PLPPR2: variants seen among roughly 807,000 people sequenced by gnomAD.
PLPPR2 encodes phospholipid phosphatase-related protein type 2.
A neutral mutation model predicts 40.3 loss-of-function variants in PLPPR2; 11 were observed. The observed-to-expected ratio is 0.27, with a 90% CI of 0.17 to 0.45. PLPPR2 has a LOEUF of 0.45. PLPPR2 is among the 20% of genes least tolerant of loss of function. The pLI is 1.00. For synonymous variants in PLPPR2, 260 were observed against 290.8 expected, an observed-to-expected ratio of 0.89 and a Z score of 1.08; for missense variants, 497 against 640.7, an observed-to-expected ratio of 0.78 and a Z score of 2.42.
At chr19:11,357,830 T>C in intron 3 of PLPPR2, 91 bp downstream of exon 3, 1 of 1,017,314 alleles carries the variant, frequency 9.8e-7, no homozygotes, top group Non-Finnish European at 1.4e-6. Flanking sequence ...CTTTTCCATC[T>C]CTGGGATCTC....
At position 11,361,426 on chromosome 19, in the gene PLPPR2, G is replaced by A; in HGVS notation, c.601G>A (p.Ala201Thr). Residue 201 changes from alanine (A) to threonine (T), a missense_variant, in exon 6 of 10, where the codon GCG becomes ACG. By Grantham distance (58) the Ala-to-Thr change is moderately conservative. Transcript: ENST00000688289. The surrounding 1 kb of genome is among the most constrained non-coding windows in gnomAD (Gnocchi z 6.3). The part of the protein sequence containing the change: ...CAGSPSLVAA[A>T]RRAFPCKDAA... ...TGGCAGTCCCAGCCTCGTGGCCGCC[G>A]CGCGCCGCGCCTTCCCCTGCAAGGA... is the stretch of plus-strand genomic sequence containing the variant. The A allele has an allele frequency of 6.2e-7, 1 of 1,606,184 alleles. No individual in the cohort carries two copies.
At chr19:11,357,846 C>A in intron 3 of PLPPR2, 107 bp downstream of exon 3, 1 of 853,142 alleles carries the variant, frequency 1.2e-6, no homozygotes, top group Non-Finnish European at 1.7e-6. Flanking sequence ...ATCTCCCTTG[C>A]TGTCCCCTTT....
intron 1 of PLPPR2, among the ~76,000 whole-genome samples, chr19:11,356,496 C>A (rs1967883105): frequency 6.6e-6 from 1 of 151,996 alleles, no homozygotes; most frequent in South Asian, 2.1e-4. Context: ...CTCTGACAGG[C>A]TATGAGCCCA....
intron 5 of PLPPR2, among the ~76,000 whole-genome samples, chr19:11,360,911 G>GGATCCTGATGTAATGGTGTT (rs1243936375): frequency 6.6e-6 from 1 of 152,016 alleles, no homozygotes; most frequent in Non-Finnish European, 1.5e-5. Flanking sequence ...GGCATGGGGT[G>GGATCCTGATGTAATGGTGTT]GATCCTGATG....
intron 2 of PLPPR2, among the ~76,000 whole-genome samples, chr19:11,357,275 G>A (rs1202785631): frequency 5.9e-5 from 9 of 152,024 alleles, no homozygotes; most frequent in Admixed American, 5.2e-4. Context: ...AGAGGATGGT[G>A]TCCCCTAAAA....
In PLPPR2 at chr19:11,364,597, G is replaced by A; in HGVS notation, c.1266G>A (p.Arg422=). 1 of 1,537,170 alleles carries A rather than the reference G, an allele frequency of 6.5e-7. No individual in the cohort carries two copies. Residue 422 remains arginine, a synonymous_variant, in exon 10 of 10, where the codon CGG becomes CGA. Coordinates refer to ENST00000688289, the MANE Select transcript of PLPPR2 (RefSeq NM_001393892.1). This position sits in a 1 kb window ranked among gnomAD's most constrained non-coding sequence, Gnocchi z 5.8. ...TGCTGCTGCCCACGCCCCTGCTGCG[G>A]GACCTGTACACCCTGAGTGGACTCT... ...RKLLLPTPLL[R]DLYTLSGLYP...
intron 3 of PLPPR2, among the ~76,000 whole-genome samples, chr19:11,358,718 C>T (rs113434370): frequency 0.017 from 2,552 of 148,402 alleles, 72 homozygotes; most frequent in African/African-American, 0.06. Context: ...CTCCCTCTCT[C>T]TCTTTCTTTC....
In PLPPR2 at chr19:11,362,433, G is replaced by A. The variant is rs1241290643; in HGVS notation, c.664-80G>A. 1.3e-6 allele frequency: 2 copies of A among 1,558,068 alleles called. No individual in the cohort carries two copies. The highest frequency in any genetic ancestry group is 1.7e-6 in the Non-Finnish European group (2 of 1,143,502). Reference sequence around the variant, plus strand: ...TCCAGCCCCAACGCTCTGGCCATGCGCTCTAGCCCAGAAAGGAGCGTCCAC... The same window carrying A: ...TCCAGCCCCAACGCTCTGGCCATGCACTCTAGCCCAGAAAGGAGCGTCCAC... On this transcript the variant is annotated intron_variant, in intron 6 of 9. Transcript: ENST00000688289. The surrounding 1 kb of genome is among the most constrained non-coding windows in gnomAD (Gnocchi z 5.3).
chr19:11,361,723 C>T lies in PLPPR2; in HGVS notation c.663+235C>T, dbSNP rs946403875. 6.6e-6 allele frequency among the ~76,000 whole-genome samples: 1 copy of T among 152,148 alleles called. No individual in the cohort carries two copies. The highest frequency in any genetic ancestry group is 2.4e-5 in the African/African-American group (1 of 41,422). On this transcript the variant is annotated intron_variant, in intron 6 of 9. Coordinates refer to ENST00000688289, the MANE Select transcript of PLPPR2 (RefSeq NM_001393892.1). This position sits in a 1 kb window ranked among gnomAD's most constrained non-coding sequence, Gnocchi z 6.3. Reference sequence around the variant, plus strand: ...CTCCGCCCCTTGCCCTCTGGCCACGCCTCCTGAGCCAGTAATGCGAGGGAA... The same window carrying T: ...CTCCGCCCCTTGCCCTCTGGCCACGTCTCCTGAGCCAGTAATGCGAGGGAA...
chr19:11,360,057 G>T, intron 5 of PLPPR2, 101 bp downstream of exon 5: 1 of 1,426,378 alleles, frequency 7.0e-7, no homozygotes, highest in Admixed American at 2.6e-5. Context: ...TCCAGGCTGG[G>T]TGTGGTGGCT....
Position 11,359,567 on chromosome 19 carries a change from C to T in PLPPR2, c.102C>T (p.Tyr34=). 6.3e-7 allele frequency: 1 copy of T among 1,589,548 alleles called. No individual in the cohort carries two copies. Among genetic ancestry groups the T allele is most frequent in the Non-Finnish European group, 8.6e-7 (1 of 1,166,622 alleles). The change falls in exon 4 of 10, where the codon TAC becomes TAT. Residue 34 remains tyrosine (Y), a synonymous_variant. Coordinates refer to ENST00000688289, the MANE Select transcript of PLPPR2 (RefSeq NM_001393892.1). This position sits in a 1 kb window ranked among gnomAD's most constrained non-coding sequence, Gnocchi z 5.6. Reference sequence around the variant, plus strand: ...TGGGCATTGTGATCCTGCTTGCTTACCGCCTGGAGTTCACGGACACCTTCC... The same window carrying T: ...TGGGCATTGTGATCCTGCTTGCTTATCGCCTGGAGTTCACGGACACCTTCC... ...VLLGIVILLA[Y]RLEFTDTFPV...
chr19:11,364,546 CG>C lies in PLPPR2; in HGVS notation c.1220del (p.Gly407ValfsTer21). On this transcript the variant is annotated frameshift_variant, in exon 10 of 10. Transcript: ENST00000688289. LOFTEE classifies it high-confidence loss of function. The surrounding 1 kb of genome is among the most constrained non-coding windows in gnomAD (Gnocchi z 5.8). ...CCTCCCCTGGACCTGGGGGGCCAGG[CG>C]GGGGTGGTGGACGTGGCCGGAAGCT... ...PSSPGPGGPG[G>X]GGGRGRKLLL... The C allele has an allele frequency of 6.5e-7, 1 of 1,536,236 alleles. No individual in the cohort carries two copies. Among genetic ancestry groups the C allele is most frequent in the South Asian group, 1.2e-5 (1 of 84,002 alleles).
rs1968119090 is a variant in PLPPR2 at position 11,363,907 on chromosome 19, A to AGT, written c.963+73_963+74dup. On this transcript the variant is annotated intron_variant, in intron 8 of 9. Transcript: ENST00000688289. This position sits in a 1 kb window ranked among gnomAD's most constrained non-coding sequence, Gnocchi z 4.8. ...GAGGGGGCCAAGGAGACAGGAAGGA[A>AGT]GTCAGGCAAGAGGTGGGGGTCTCAG... 2.6e-6 allele frequency: 4 copies of AGT among 1,531,062 alleles called. No homozygotes were observed. The South Asian group carries it at 4.8e-5, about 18-fold the overall frequency. 94.8% of individuals were successfully genotyped at this position (1,531,062 alleles called of 1,614,324 possible).
intron 5 of PLPPR2, among the ~76,000 whole-genome samples, chr19:11,360,221 G>C (rs987148072): frequency 1.3e-5 from 2 of 151,778 alleles, no homozygotes; most frequent in South Asian, 4.2e-4. Flanking sequence ...CCTTGAACCC[G>C]GGAGGCAGAG....
In PLPPR2 at chr19:11,359,387, C is replaced by G; in HGVS notation, c.67-145C>G. Reference sequence around the variant, plus strand: ...CCCATTTCTCTCAGTCTCTCTCCCCCTTGTCTCTGTCTCTCTCCATCTTCT... The same window carrying G: ...CCCATTTCTCTCAGTCTCTCTCCCCGTTGTCTCTGTCTCTCTCCATCTTCT... On this transcript the variant is annotated intron_variant, in intron 3 of 9. Coordinates refer to ENST00000688289, the MANE Select transcript of PLPPR2 (RefSeq NM_001393892.1). The surrounding 1 kb of genome is among the most constrained non-coding windows in gnomAD (Gnocchi z 5.6). The G allele has an allele frequency of 2.9e-6, 2 of 685,618 alleles. No individual in the cohort carries two copies. Among genetic ancestry groups the G allele is most frequent in the East Asian group, 3.2e-5 (1 of 31,594 alleles). The allele number at this position is 685,618 out of a possible 1,614,324, so 42.5% of individuals were successfully genotyped here.
rs1005326699 is a variant in PLPPR2, at chr19:11,364,230, G to T, written c.1015+18G>T. 1.0e-5 allele frequency: 16 copies of T among 1,605,894 alleles called. No homozygotes were observed. Among genetic ancestry groups the T allele is most frequent in the Non-Finnish European group, 1.3e-5 (15 of 1,175,048 alleles). On this transcript the variant is annotated intron_variant, in intron 9 of 9. Coordinates refer to ENST00000688289, the MANE Select transcript of PLPPR2 (RefSeq NM_001393892.1). This position sits in a 1 kb window ranked among gnomAD's most constrained non-coding sequence, Gnocchi z 5.8. ...CCCATCCAGTGAGTGTTGGGGGAGT[G>T]GGGGGCTAAACAGGGGGACTTCCAG...
At chr19:11,358,107 T>G (rs1038307408) in intron 3 of PLPPR2, among the ~76,000 whole-genome samples, 1 of 151,812 alleles carries the variant, frequency 6.6e-6, no homozygotes, top group Non-Finnish European at 1.5e-5. Flanking sequence ...CAGGCTGGAG[T>G]GCAGTGGCAT....
In PLPPR2 at chr19:11,364,271, C is replaced by G; in HGVS notation, c.1015+59C>G. 1 of 1,576,878 alleles carries G rather than the reference C, an allele frequency of 6.3e-7. No individual in the cohort carries two copies. Among genetic ancestry groups the G allele is most frequent in the African/African-American group, 1.4e-5 (1 of 73,826 alleles). The stretch of plus-strand genomic sequence containing the variant: ...GGACTTCCAGGTGGGCAGCCACTGC[C>G]CCAGAGGTCTCACCTAGGCCTTTAT... On this transcript the variant is annotated intron_variant, in intron 9 of 9. Transcript: ENST00000688289. This position sits in a 1 kb window ranked among gnomAD's most constrained non-coding sequence, Gnocchi z 5.8.
chr19:11,359,983 C>T lies in PLPPR2; in HGVS notation c.391+27C>T. On this transcript the variant is annotated intron_variant, in intron 5 of 9. Transcript: ENST00000688289. The surrounding 1 kb of genome is among the most constrained non-coding windows in gnomAD (Gnocchi z 5.6). Reference sequence around the variant, plus strand: ...TGAGAGACATGGCCTGGGGTCAGCCCCATGGTAATGGTGGGGAGGTGGGTA... The same window carrying T: ...TGAGAGACATGGCCTGGGGTCAGCCTCATGGTAATGGTGGGGAGGTGGGTA... The T allele has an allele frequency of 6.4e-7, 1 of 1,573,360 alleles. No individual in the cohort carries two copies. Among genetic ancestry groups the T allele is most frequent in the Non-Finnish European group, 8.6e-7 (1 of 1,157,850 alleles).
Sources: allele counts gnomAD v4.1 joint callset (sites outside exome capture counted in the v4.1 genomes callset), GRCh38; gene constraint gnomAD v4.1.1; non-coding constraint Gnocchi (gnomAD v3.1); transcripts MANE v1.5; gene names NCBI Gene and HGNC (gene_info 2026-07-23, HGNC 2026-07-21).